MACROD1: variants seen among roughly 807,000 people sequenced by gnomAD.
MACROD1 encodes mono-ADP ribosylhydrolase 1, also known as ADP-ribose glycohydrolase MACROD1.
Under a neutral mutation model 41.4 loss-of-function variants are expected in MACROD1, and 31 were observed. The ratio of observed to expected loss-of-function variants is 0.75; its 90% CI spans 0.56 to 1.01. The LOEUF is 1.01. MACROD1 is among the 50% of genes least tolerant of loss of function. The pLI is 0.00. For missense variants in MACROD1, 473 were observed against 460.0 expected, an observed-to-expected ratio of 1.03 and a Z score of -0.26; for synonymous variants, 252 against 203.4, an observed-to-expected ratio of 1.24 and a Z score of -2.03.
intron 3 of MACROD1, among the ~76,000 whole-genome samples, chr11:64,135,376 C>G (rs1945318677): frequency 6.6e-6 from 1 of 152,224 alleles, no homozygotes; most frequent in Non-Finnish European, 1.5e-5. Context: ...GCAACCCCGG[C>G]CAGGGCCGCT....
At chr11:64,118,938 A>C (rs1421783928) in intron 3 of MACROD1, 1 of 167,044 alleles carries the variant, frequency 6.0e-6, no homozygotes, top group Non-Finnish European at 1.5e-5. Context: ...AAAAAAAAAA[A>C]ACAAACTTTT....
intron 3 of MACROD1, among the ~76,000 whole-genome samples, chr11:64,048,583 T>C (rs1188833404): frequency 6.6e-6 from 1 of 152,164 alleles, no homozygotes; most frequent in Non-Finnish European, 1.5e-5. Flanking sequence ...ATAACAGTCA[T>C]GGCAGCAGGG....
chr11:64,099,195 A>G (rs190385235), intron 3 of MACROD1, among the ~76,000 whole-genome samples: 199 of 152,332 alleles, frequency 1.3e-3, no homozygotes, highest in Non-Finnish European at 2.3e-3. Context: ...GCACAGCGTC[A>G]TCTTCTCCAA....
Position 64,110,357 on chromosome 11 carries a change from G to T in MACROD1, c.517+40882C>A, listed in dbSNP as rs565659531. 3.3e-5 allele frequency among the ~76,000 whole-genome samples: 5 copies of T among 152,098 alleles called. No individual in the cohort carries two copies. In the South Asian group the frequency reaches 8.3e-4, roughly 25 times the overall value. ...CCAGCTCTGCAGGAGGCTGAGGTGG[G>T]AGGATCACCTGAGCATGGGGAGGTC... On this transcript the variant is annotated intron_variant, in intron 3 of 10. Transcript: ENST00000255681.
intron 4 of MACROD1, chr11:64,001,728 C>T: frequency 1.4e-6 from 1 of 702,350 alleles, no homozygotes; most frequent in Non-Finnish European, 2.6e-6. Context: ...AGAAAGGCAG[C>T]TGTAGCCCAG....
At chr11:64,148,461 G>A (rs527837736) in intron 3 of MACROD1, among the ~76,000 whole-genome samples, 51 of 152,274 alleles carry the variant, frequency 3.3e-4, no homozygotes, top group Middle Eastern at 3.4e-3. Context: ...GACCCACGGC[G>A]TTCTCCATGG....
intron 3 of MACROD1, among the ~76,000 whole-genome samples, chr11:64,025,995 A>G (rs1382342319): frequency 1.3e-5 from 2 of 152,100 alleles, no homozygotes; most frequent in African/African-American, 2.4e-5. Flanking sequence ...AGCCTGGCCA[A>G]CATGGTGAAA....
chr11:64,005,675 C>T (rs932222253), intron 4 of MACROD1, among the ~76,000 whole-genome samples: 21 of 152,214 alleles, frequency 1.4e-4, no homozygotes, highest in African/African-American at 5.1e-4. Flanking sequence ...GGAGGATCCC[C>T]TTTTTACAGA....
chr11:64,031,607 T>C (rs1943296584), intron 3 of MACROD1, among the ~76,000 whole-genome samples: 2 of 151,038 alleles, frequency 1.3e-5, no homozygotes, highest in Admixed American at 1.3e-4. Context: ...GCCTTCCCAG[T>C]AGCTGGGATT....
At chr11:64,044,914 G>C (rs908199135) in intron 3 of MACROD1, among the ~76,000 whole-genome samples, 2 of 152,192 alleles carry the variant, frequency 1.3e-5, no homozygotes, top group Non-Finnish European at 2.9e-5. Flanking sequence ...GCCTGGGGCT[G>C]GTACTGACAG....
chr11:64,045,568 G>A (rs985324537), intron 3 of MACROD1, among the ~76,000 whole-genome samples: 1 of 152,170 alleles, frequency 6.6e-6, no homozygotes, highest in African/African-American at 2.4e-5. Context: ...GGTAGGTAGG[G>A]GGTGAGGGTC....
At chr11:64,134,591 G>A (rs1316131192) in intron 3 of MACROD1, among the ~76,000 whole-genome samples, 6 of 152,164 alleles carry the variant, frequency 3.9e-5, no homozygotes, top group East Asian at 1.9e-4. Context: ...TACTACATGC[G>A]GGTTTGGTGT....
chr11:64,047,790 G>A (rs2701552), intron 3 of MACROD1, among the ~76,000 whole-genome samples: 31,409 of 151,670 alleles, frequency 0.21, 3,568 homozygotes, highest in Non-Finnish European at 0.25. Context: ...CCAGCAACTC[G>A]GGAGGCTGAG....
At chr11:64,152,177 T>A in intron 2 of MACROD1, 115 bp downstream of exon 2, 1 of 776,288 alleles carries the variant, frequency 1.3e-6, no homozygotes, top group Non-Finnish European at 2.3e-6. Flanking sequence ...GCGGAGCACC[T>A]GCCTGCAGCA....
intron 2 of MACROD1, 94 bp from the exon 3 acceptor site, chr11:64,151,449 C>T: frequency 1.2e-6 from 1 of 832,694 alleles, no homozygotes; most frequent in Non-Finnish European, 2.0e-6. Context: ...CCCTATCGAC[C>T]TCCCTCCACC....
At chr11:64,031,869 C>T (rs772154612) in intron 3 of MACROD1, among the ~76,000 whole-genome samples, 3 of 152,218 alleles carry the variant, frequency 2.0e-5, no homozygotes, top group Non-Finnish European at 4.4e-5. Flanking sequence ...CATGCATTCG[C>T]GTGAACATCC....
intron 3 of MACROD1, chr11:64,118,349 G>A: frequency 6.7e-7 from 1 of 1,490,774 alleles, no homozygotes; most frequent in Admixed American, 2.3e-5. Flanking sequence ...GTGGCCATGT[G>A]GCTTTGCCCA....
rs1380894022 is a variant in MACROD1 at position 64,122,547 on chromosome 11, C to T, written c.517+28692G>A. On this transcript the variant is annotated intron_variant, in intron 3 of 10. Transcript: ENST00000255681. The surrounding 1 kb of genome is among the most constrained non-coding windows in gnomAD (Gnocchi z 4.0). ...GGGAAACCCTCCCTCTGAGCCCAGC[C>T]CAGCCCTGTCCGAACAAAGCCAGGC... Among the ~76,000 whole-genome samples the T allele has an allele frequency of 6.6e-6, 1 of 152,270 alleles. No homozygotes were observed. Among genetic ancestry groups the T allele is most frequent in the Non-Finnish European group, 1.5e-5 (1 of 68,050 alleles).
chr11:64,116,101 G>C, intron 3 of MACROD1: 1 of 1,058,636 alleles, frequency 9.4e-7, no homozygotes, highest in South Asian at 1.7e-5. Context: ...TCACCCCGCA[G>C]GACCGGACTT....
Sources: allele counts gnomAD v4.1 joint callset (sites outside exome capture counted in the v4.1 genomes callset), GRCh38; gene constraint gnomAD v4.1.1; non-coding constraint Gnocchi (gnomAD v3.1); transcripts MANE v1.5; gene names NCBI Gene and HGNC (gene_info 2026-07-23, HGNC 2026-07-21).